The following ANKS3 variants were observed in gnomAD, a reference collection of about 807,000 sequenced individuals.
The protein encoded by ANKS3 is ankyrin repeat and sterile alpha motif domain containing 3, also known as ankyrin repeat and SAM domain-containing protein 3.
A neutral mutation model predicts 80.7 loss-of-function variants in ANKS3; 62 were observed. The observed-to-expected ratio is 0.77, with a 90% confidence interval of 0.63 to 0.95. The LOEUF is 0.95. Ranked by LOEUF, ANKS3 falls within the 40% of genes least tolerant of loss-of-function variation. ANKS3 has a pLI of 0.00. For synonymous variants in ANKS3, 489 were observed against 355.3 expected, an observed-to-expected ratio of 1.38 and a Z score of -4.23; for missense variants, 1,150 against 883.6, an observed-to-expected ratio of 1.30 and a Z score of -3.82.
chr16:4,720,147 G>A (rs2142118071), intron 6 of ANKS3, among the ~76,000 whole-genome samples: 1 of 96,898 alleles, frequency 1.0e-5, no homozygotes, highest in Admixed American at 1.3e-4. Flanking sequence ...TGGGGACAGA[G>A]CAAGACCCCA....
intron 3 of ANKS3, chr16:4,728,206 C>T (rs541525715): frequency 2.0e-5 from 3 of 152,450 alleles, no homozygotes; most frequent in Admixed American, 2.0e-4. Flanking sequence ...CCACTACGCC[C>T]AGCTAGTTTT....
intron 7 of ANKS3, among the ~76,000 whole-genome samples, chr16:4,706,183 C>G (rs999534655): frequency 6.6e-6 from 1 of 152,140 alleles, no homozygotes; most frequent in Admixed American, 6.6e-5. Context: ...CACGTTACCA[C>G]TGTGCCCGGC....
At chr16:4,724,688 T>G (rs2081267255) in intron 6 of ANKS3, 62 bp downstream of exon 6, 46 of 1,461,566 alleles carry the variant, frequency 3.1e-5, no homozygotes, top group Non-Finnish European at 4.3e-5. Context: ...AGCTTATACT[T>G]CAGTAATATG....
intron 7 of ANKS3, among the ~76,000 whole-genome samples, chr16:4,710,721 C>G (rs1239721445): frequency 6.6e-6 from 1 of 152,080 alleles, no homozygotes; most frequent in Non-Finnish European, 1.5e-5. Context: ...AAAAATAAAT[C>G]AATATTTTCC....
At chr16:4,703,421 A>ATT (rs3051126) in intron 8 of ANKS3, among the ~76,000 whole-genome samples, 80 of 131,608 alleles carry the variant, frequency 6.1e-4, no homozygotes, top group East Asian at 1.8e-3. Flanking sequence ...GGCCCCCCCA[A>ATT]TTTTTTTTTT....
At chr16:4,697,513 A>T in intron 15 of ANKS3, 97 bp from the exon 16 acceptor site, 1 of 1,025,590 alleles carries the variant, frequency 9.8e-7, no homozygotes, top group Non-Finnish European at 1.4e-6. Flanking sequence ...ACCTGCTTGG[A>T]TCAGAACCTC....
chr16:4,706,595 A>G (rs1054779750), intron 7 of ANKS3, among the ~76,000 whole-genome samples: 4 of 152,180 alleles, frequency 2.6e-5, no homozygotes, highest in African/African-American at 9.7e-5. Context: ...ACTGTTTCAA[A>G]TCACTTCCCA....
rs780698655 is a variant in ANKS3, at chr16:4,697,104, C to T, written c.1895G>A (p.Gly632Glu). The T allele has an allele frequency of 2.5e-6, 4 of 1,613,418 alleles. No individual in the cohort carries two copies. Among genetic ancestry groups the T allele is most frequent in the South Asian group, 1.1e-5 (1 of 90,974 alleles). Reference protein sequence around the residue: ...GALEDRVREMGQALCLVTQSL... With the variant: ...GALEDRVREMEQALCLVTQSL... ...CTGGGTCACTAAGCACAGTGCTTGCCCTGAGGAATGATGACCTTGAGCCTC... is the reference window on the plus strand; with the variant it reads ...CTGGGTCACTAAGCACAGTGCTTGCTCTGAGGAATGATGACCTTGAGCCTC... The change falls in exon 17 of 18, where the codon GGG becomes GAG. Residue 632 changes from glycine (G) to glutamate (E), a missense_variant and splice_region_variant. Physicochemically the swap from Gly to Glu is moderately conservative, Grantham distance 98. Coordinates refer to ENST00000304283, the MANE Select transcript of ANKS3 (RefSeq NM_133450.4).
chr16:4,724,701 T>G (rs759638392), intron 6 of ANKS3, 49 bp downstream of exon 6: 9 of 1,526,128 alleles, frequency 5.9e-6, no homozygotes, highest in Non-Finnish European at 7.2e-6. Flanking sequence ...GTAATATGAT[T>G]CCTCATTTGC....
chr16:4,719,508 C>G (rs1027914065), intron 6 of ANKS3, among the ~76,000 whole-genome samples: 1 of 151,894 alleles, frequency 6.6e-6, no homozygotes, highest in Non-Finnish European at 1.5e-5. Flanking sequence ...GATTATCTGT[C>G]AAAGAATTAT....
Position 4,702,084 on chromosome 16 carries a change from G to A in ANKS3, c.1009+18C>T, listed in dbSNP as rs1282974822. On this transcript the variant is annotated intron_variant, in intron 9 of 17. Transcript: ENST00000304283. ...GACCTGCCTGAGCCACGGGCCGGAT[G>A]GGTGGGGGTGCACGTACCCCGACTG... is the stretch of plus-strand genomic sequence containing the variant. The A allele has an allele frequency of 2.6e-6, 4 of 1,566,666 alleles. No individual in the cohort carries two copies. The highest frequency in any genetic ancestry group is 1.8e-5 in the Admixed American group (1 of 55,892).
rs200554062 is a variant in ANKS3, at chr16:4,701,053, G to A, written c.1201C>T (p.Pro401Ser). 1 of 1,614,098 alleles carries A rather than the reference G, an allele frequency of 6.2e-7. No individual in the cohort carries two copies. The highest frequency in any genetic ancestry group is 1.1e-5 in the South Asian group (1 of 91,082). The change falls in exon 11 of 18, where the codon CCT (proline) becomes TCT (serine). Residue 401 changes from proline to serine, a missense_variant. By Grantham distance (74) the Pro-to-Ser change is moderately conservative (BLOSUM62 -1). Transcript: ENST00000304283. ...TCCCTGTCAGTTGCAGCGCGGGGAG[G>A]CCACTGGCTGTCAGGATTCTTGGTC... ...MKTKNPDSQW[P>S]PRAATDREGF...
chr16:4,701,262 G>A (rs1347886466), intron 10 of ANKS3, 128 bp from the exon 11 acceptor site: 48 of 1,472,542 alleles, frequency 3.3e-5, no homozygotes, highest in Admixed American at 5.7e-5. Context: ...AGGGGCTTCC[G>A]GTGCGTTCGC....
rs1052494819 is a variant in ANKS3, at chr16:4,734,006, T to G, written c.-139A>C. Reference sequence around the variant, plus strand: ...AACGCTACGGCGCACAGGGCATTACTGTGCCCCCACCACAACCACATAAAG... The same window carrying G: ...AACGCTACGGCGCACAGGGCATTACGGTGCCCCCACCACAACCACATAAAG... On this transcript the variant is annotated 5_prime_UTR_variant, in exon 1 of 18. Transcript: ENST00000304283. The G allele has an allele frequency of 1.0e-5, 10 of 985,274 alleles. No individual in the cohort carries two copies. Among genetic ancestry groups the G allele is most frequent in the African/African-American group, 1.7e-5 (1 of 57,242 alleles). 61.0% of individuals were successfully genotyped at this position (985,274 alleles called of 1,614,324 possible).
In ANKS3 at chr16:4,698,785, C is replaced by T. The variant is rs1393278211; in HGVS notation, c.1551+15G>A. On this transcript the variant is annotated intron_variant, in intron 13 of 17. Coordinates refer to ENST00000304283, the MANE Select transcript of ANKS3 (RefSeq NM_133450.4). ...GGTGTCACCCTGCCCCCCCATCCCC[C>T]ACCCAGCCACTCACCTTGTGCAGCT... 1.9e-6 allele frequency: 3 copies of T among 1,595,768 alleles called. No homozygotes were observed. The highest frequency in any genetic ancestry group is 2.6e-6 in the Non-Finnish European group (3 of 1,171,840).
At position 4,725,079 on chromosome 16, in the gene ANKS3, C is replaced by G. The variant is rs892177044; in HGVS notation, c.492-248G>C. ...AGACAGATGTCTGCCTGTCGTCCCA[C>G]CTGTTGGCTATTCCCACTGGCTACC... On this transcript the variant is annotated intron_variant, in intron 5 of 17. Coordinates refer to ENST00000304283, the MANE Select transcript of ANKS3 (RefSeq NM_133450.4). 1.4e-5 allele frequency: 5 copies of G among 354,278 alleles called. No individual in the cohort carries two copies. The East Asian group carries it at 1.8e-4, about 13-fold the overall frequency. 21.9% of individuals were successfully genotyped at this position (354,278 alleles called of 1,614,324 possible). A position where few individuals can be genotyped will look rare whatever the true frequency, so the allele number is the denominator to read the frequency against.
intron 2 of ANKS3, among the ~76,000 whole-genome samples, chr16:4,730,979 G>T (rs2081585766): frequency 6.6e-6 from 1 of 152,136 alleles, no homozygotes; most frequent in Non-Finnish European, 1.5e-5. Flanking sequence ...ATAAAAGAAT[G>T]GATAAACAAA....
At chr16:4,699,974 C>T (rs2079809507) in intron 11 of ANKS3, 1 of 152,568 alleles carries the variant, frequency 6.6e-6, no homozygotes, top group East Asian at 1.9e-4. Context: ...ATACTTAGGA[C>T]ACTACCCTGA....
chr16:4,728,296 T>C (rs886111660), intron 3 of ANKS3, among the ~76,000 whole-genome samples: 2 of 152,090 alleles, frequency 1.3e-5, no homozygotes, highest in African/African-American at 2.4e-5. Flanking sequence ...CCACCCGCCT[T>C]AGCCTCCCAA....
Sources: gnomAD v4.1 joint callset for allele counts (sites outside exome capture counted in the v4.1 genomes callset) on GRCh38, gnomAD v4.1.1 for gene constraint, MANE v1.5 for transcripts, NCBI Gene and HGNC (gene_info 2026-07-23, HGNC 2026-07-21) for gene names.